Variants in RELN observed in about 807,000 individuals in gnomAD.
RELN encodes the protein reelin.
Under a neutral mutation model 427.6 loss-of-function variants are expected in RELN, and 108 were observed. That is an observed-to-expected ratio of 0.25 (90% CI 0.22 to 0.30). The LOEUF (loss-of-function observed/expected upper bound fraction) is 0.30, where lower values mean the gene tolerates loss of function less well. RELN is among the 10% of genes least tolerant of loss of function. The probability of loss-of-function intolerance (pLI) is 1.00; values close to 1 mark genes in which losing one functional copy is unlikely to be tolerated. For synonymous variants in RELN, 1,524 were observed against 1,513.4 expected, an observed-to-expected ratio of 1.01 and a Z score of -0.16; for missense variants, 3,715 against 4,302.8, an observed-to-expected ratio of 0.86 and a Z score of 3.82.
Position 103,564,362 on chromosome 7 carries a change from G to C in RELN, c.5210+916C>G, listed in dbSNP as rs569341306. Among the ~76,000 whole-genome samples the C allele has an allele frequency of 2.6e-5, 4 of 152,348 alleles. No homozygotes were observed. The South Asian group carries it at 8.3e-4, about 32-fold the overall frequency. On this transcript the variant is annotated intron_variant, in intron 34 of 64. Transcript: ENST00000428762. ...GGAATTGGATGTATAGCAAGTGGCA[G>C]AGCAGAGAAGCCAGTAGAAGCAGTG...
chr7:103,785,061 G>A (rs1165400956), intron 3 of RELN, among the ~76,000 whole-genome samples: 4 of 152,124 alleles, frequency 2.6e-5, no homozygotes, highest in Admixed American at 6.6e-5. Context: ...TTGGAAATCA[G>A]TTAACAGCAA....
chr7:103,551,299 T>C lies in RELN; in HGVS notation c.6073-3A>G. ...TCAGTCGAACAGCCAACGTTGATCT[T>C]GGGGATGAAGAAAAAAATGATACAA... On this transcript the variant is annotated splice_region_variant and splice_polypyrimidine_tract_variant and intron_variant, in intron 40 of 64. Transcript: ENST00000428762. 2 of 1,608,954 alleles carry C rather than the reference T, an allele frequency of 1.2e-6. No individual in the cohort carries two copies. The highest frequency in any genetic ancestry group is 2.2e-5 in the East Asian group (1 of 44,778).
At chr7:103,582,240 T>C (rs1451177970) in intron 28 of RELN, among the ~76,000 whole-genome samples, 1 of 152,222 alleles carries the variant, frequency 6.6e-6, no homozygotes, top group Non-Finnish European at 1.5e-5. Context: ...TGGACCAGTA[T>C]ATGAGAAAGA....
At chr7:103,859,059 T>G (rs1010063626) in intron 2 of RELN, among the ~76,000 whole-genome samples, 3 of 152,190 alleles carry the variant, frequency 2.0e-5, no homozygotes, top group Non-Finnish European at 4.4e-5. Context: ...ACTTGCTCCT[T>G]TTCACTTTAA....
At chr7:103,714,848 G>C (rs1789898168) in intron 8 of RELN, among the ~76,000 whole-genome samples, 1 of 152,174 alleles carries the variant, frequency 6.6e-6, no homozygotes, top group African/African-American at 2.4e-5. Context: ...ATTAAGAACA[G>C]TTCCATTCTG....
At chr7:103,641,867 A>G (rs994849142) in intron 16 of RELN, among the ~76,000 whole-genome samples, 2 of 152,138 alleles carry the variant, frequency 1.3e-5, no homozygotes, top group African/African-American at 4.8e-5. Context: ...AGCACACTTG[A>G]TTTTATGGCT....
chr7:103,715,925 C>T (rs1194154884), intron 8 of RELN, among the ~76,000 whole-genome samples: 12 of 152,226 alleles, frequency 7.9e-5, no homozygotes, highest in African/African-American at 1.7e-4. Flanking sequence ...ATGTAAACTA[C>T]ACCCGAATGC....
intron 1 of RELN, among the ~76,000 whole-genome samples, chr7:103,945,321 T>C (rs560998231): frequency 1.3e-5 from 2 of 152,200 alleles, no homozygotes; most frequent in Non-Finnish European, 2.9e-5. Context: ...TGAACACTCA[T>C]AATCCATTAT....
intron 1 of RELN, among the ~76,000 whole-genome samples, chr7:103,977,036 C>A (rs1273263443): frequency 1.3e-5 from 2 of 151,800 alleles, no homozygotes; most frequent in Admixed American, 6.6e-5. Flanking sequence ...CAGTGCCGGG[C>A]GTGGGAACTC....
Position 103,804,827 on chromosome 7 carries a change from A to G in RELN, c.474-28200T>C, listed in dbSNP as rs544214134. ...ATTCAGTGAGGAGTGGCTTTTTGCA[A>G]TGTATTTTCTCTCCATTTTTCTTTT... On this transcript the variant is annotated intron_variant, in intron 3 of 64. Transcript: ENST00000428762. 1.8e-3 allele frequency among the ~76,000 whole-genome samples: 268 copies of G among 152,250 alleles called. 1 individual carries two copies. Among genetic ancestry groups the G allele is most frequent in the Non-Finnish European group, 3.3e-3 (226 of 67,996 alleles).
chr7:103,607,813 TC>T (rs1217959869), intron 22 of RELN, among the ~76,000 whole-genome samples: 8 of 152,218 alleles, frequency 5.3e-5, no homozygotes, highest in African/African-American at 1.9e-4. Context: ...ACTCATTCAC[TC>T]ATTAGGTGTT....
At chr7:103,980,161 CAA>C (rs368158466) in intron 1 of RELN, among the ~76,000 whole-genome samples, 9 of 88,564 alleles carry the variant, frequency 1.0e-4, no homozygotes, top group Admixed American at 1.2e-4. Context: ...ACTCTGTCTC[CAA>C]AAAAAAAAAA....
intron 6 of RELN, among the ~76,000 whole-genome samples, chr7:103,730,788 T>C (rs951338248): frequency 6.6e-6 from 1 of 152,154 alleles, no homozygotes; most frequent in South Asian, 2.1e-4. Context: ...TTTCTCACAG[T>C]CTGACTGGGT....
intron 46 of RELN, among the ~76,000 whole-genome samples, chr7:103,534,529 C>A (rs1003045305): frequency 3.3e-5 from 5 of 151,950 alleles, no homozygotes; most frequent in African/African-American, 9.7e-5. Context: ...GCTCTGACAC[C>A]CAAGCTGGAG....
chr7:103,610,794 C>G lies in RELN; in HGVS notation c.2909G>C (p.Ser970Thr), dbSNP rs754786036. Reference sequence around the variant, plus strand: ...TGTAAATTCCTGACAACTTGGCATACTTGGAAGGCATTCCTGAAAGAAAGT... The same window carrying G: ...TGTAAATTCCTGACAACTTGGCATAGTTGGAAGGCATTCCTGAAAGAAAGT... ...WHLVQEECLPSMPSCQEFTSA... is the reference protein window; with the variant it reads ...WHLVQEECLPTMPSCQEFTSA... The change falls in exon 22 of 65, where the codon AGT (serine) becomes ACT (threonine). Residue 970 changes from serine to threonine, a missense_variant. Ser to Thr is a moderately conservative substitution (Grantham distance 58, BLOSUM62 1). Transcript: ENST00000428762. 3 of 1,602,260 alleles carry G rather than the reference C, an allele frequency of 1.9e-6. No homozygotes were observed. Among genetic ancestry groups the G allele is most frequent in the Admixed American group, 1.7e-5 (1 of 59,968 alleles).
chr7:103,596,310 T>G, intron 25 of RELN, 146 bp downstream of exon 25: 1 of 707,754 alleles, frequency 1.4e-6, no homozygotes, highest in Non-Finnish European at 2.5e-6. Flanking sequence ...TGAAATAAAA[T>G]CTTTATATAC....
At chr7:103,753,104 A>T (rs1791047787) in intron 5 of RELN, 78 bp downstream of exon 5, 1 of 1,421,856 alleles carries the variant, frequency 7.0e-7, no homozygotes, top group African/African-American at 1.4e-5. Context: ...CCTCTATAAC[A>T]TCTGCTCGTA....
chr7:103,823,086 C>G (rs1053731788), intron 3 of RELN, among the ~76,000 whole-genome samples: 1 of 151,922 alleles, frequency 6.6e-6, no homozygotes, highest in Admixed American at 6.6e-5. Context: ...TTATTTTGTT[C>G]TTAGGTAATT....
intron 46 of RELN, among the ~76,000 whole-genome samples, chr7:103,524,828 G>A (rs1296383181): frequency 2.6e-5 from 4 of 152,154 alleles, no homozygotes; most frequent in Non-Finnish European, 5.9e-5. Flanking sequence ...GTACAAACTG[G>A]TTTCTCCATA....
Sources: gnomAD v4.1 joint callset for allele counts (sites outside exome capture counted in the v4.1 genomes callset) on GRCh38, gnomAD v4.1.1 for gene constraint, MANE v1.5 for transcripts, NCBI Gene and HGNC (gene_info 2026-07-23, HGNC 2026-07-21) for gene names.